The following EDIL3 variants were observed in gnomAD, a reference collection of about 807,000 sequenced individuals.
The protein encoded by EDIL3 is EGF like and discoidin domains 3.
EDIL3 carries 37 observed loss-of-function variants against 67.4 expected under a neutral mutation model. The ratio of observed to expected loss-of-function variants is 0.55; its 90% CI spans 0.42 to 0.72. The LOEUF (loss-of-function observed/expected upper bound fraction) is 0.72, where lower values mean the gene tolerates loss of function less well. EDIL3 is among the 30% of genes least tolerant of loss of function. The pLI is 0.00. For synonymous variants in EDIL3, 195 were observed against 196.3 expected (o/e 0.99, Z 0.05); for missense variants, 527 against 586.3 (o/e 0.90, Z 1.04).
chr5:84,338,238 T>A (rs574372280), intron 1 of EDIL3, among the ~76,000 whole-genome samples: 1 of 152,218 alleles, frequency 6.6e-6, no homozygotes, highest in Admixed American at 6.6e-5. Context: ...GGAAGCACAC[T>A]CCTGACTAAA....
chr5:84,142,823 C>G lies in EDIL3; in HGVS notation c.356-5469G>C, dbSNP rs556962486. Among the ~76,000 whole-genome samples, 8 of 143,286 alleles carry G rather than the reference C, an allele frequency of 5.6e-5. No individual in the cohort carries two copies. The South Asian group carries it at 1.3e-3, about 22-fold the overall frequency. 94.0% of individuals were successfully genotyped at this position (143,286 alleles called of 152,430 possible). A position where few individuals can be genotyped will look rare whatever the true frequency, so the allele number is the denominator to read the frequency against. ...AAGGAGACAATGATAGACGGTGCCC[C>G]CCCCCCCAAGCTTTTTTTTCTTTTG... On this transcript the variant is annotated intron_variant, in intron 4 of 10. Coordinates refer to ENST00000296591, the MANE Select transcript of EDIL3 (RefSeq NM_005711.5).
intron 4 of EDIL3, among the ~76,000 whole-genome samples, chr5:84,142,005 G>A (rs1215532836): frequency 1.4e-5 from 1 of 73,282 alleles, no homozygotes; most frequent in Non-Finnish European, 2.9e-5. Flanking sequence ...CTATCATATT[G>A]AGCACTCCTC....
At chr5:84,285,146 G>C (rs1580054902) in intron 1 of EDIL3, among the ~76,000 whole-genome samples, 1 of 151,994 alleles carries the variant, frequency 6.6e-6, no homozygotes, top group South Asian at 2.1e-4. Context: ...TGAATAAGTG[G>C]GCCCCTTTTA....
intron 1 of EDIL3, among the ~76,000 whole-genome samples, chr5:84,338,110 T>G (rs973811988): frequency 2.0e-5 from 3 of 152,144 alleles, no homozygotes; most frequent in African/African-American, 7.2e-5. Context: ...CATATTCTCT[T>G]TACTAATACT....
chr5:84,049,194 T>C (rs10491383), intron 9 of EDIL3, among the ~76,000 whole-genome samples: 8,727 of 152,250 alleles, frequency 0.057, 840 homozygotes, highest in African/African-American at 0.2. Flanking sequence ...TGCCAATATA[T>C]ATAATTTATC....
At chr5:84,075,570 G>T (rs1746838204) in intron 6 of EDIL3, among the ~76,000 whole-genome samples, 1 of 152,000 alleles carries the variant, frequency 6.6e-6, no homozygotes, top group African/African-American at 2.4e-5. Context: ...CCGCCTCCCA[G>T]GTTCAAGCAA....
intron 1 of EDIL3, among the ~76,000 whole-genome samples, chr5:84,264,735 TAA>T (rs1300252440): frequency 1.3e-5 from 2 of 152,166 alleles, no homozygotes; most frequent in Non-Finnish European, 2.9e-5. Flanking sequence ...GAGGACAAAC[TAA>T]AATATTGAAT....
At chr5:84,335,889 T>C (rs1462429467) in intron 1 of EDIL3, among the ~76,000 whole-genome samples, 1 of 152,206 alleles carries the variant, frequency 6.6e-6, no homozygotes, top group Admixed American at 6.5e-5. Context: ...CAGTGTCTTG[T>C]GAAGACTCAC....
intron 9 of EDIL3, among the ~76,000 whole-genome samples, chr5:84,059,669 T>G (rs979385380): frequency 6.6e-6 from 1 of 152,172 alleles, no homozygotes; most frequent in Non-Finnish European, 1.5e-5. Context: ...TGTCTTACTT[T>G]TTGCCACAGA....
intron 5 of EDIL3, among the ~76,000 whole-genome samples, chr5:84,127,118 G>C (rs1239821978): frequency 6.6e-6 from 1 of 151,880 alleles, no homozygotes; most frequent in Non-Finnish European, 1.5e-5. Flanking sequence ...CAATTTTTCG[G>C]GATTTCGTAG....
intron 9 of EDIL3, among the ~76,000 whole-genome samples, chr5:84,039,332 G>A (rs1746078913): frequency 6.6e-6 from 1 of 152,106 alleles, no homozygotes; most frequent in Non-Finnish European, 1.5e-5. Context: ...GAATTTATCT[G>A]TGGATCCAAA....
At chr5:84,358,862 G>A (rs564552018) in intron 1 of EDIL3, among the ~76,000 whole-genome samples, 3 of 152,004 alleles carry the variant, frequency 2.0e-5, no homozygotes, top group Non-Finnish European at 2.9e-5. Flanking sequence ...CACCCACCTC[G>A]GCCTTCCAAA....
At chr5:84,104,348 A>G (rs1219253878) in intron 6 of EDIL3, among the ~76,000 whole-genome samples, 2 of 151,820 alleles carry the variant, frequency 1.3e-5, no homozygotes, top group African/African-American at 2.4e-5. Flanking sequence ...GTATACCTAT[A>G]TAACAAACCT....
chr5:84,129,758 T>G (rs1747928906), intron 5 of EDIL3, among the ~76,000 whole-genome samples: 1 of 152,164 alleles, frequency 6.6e-6, no homozygotes, highest in Non-Finnish European at 1.5e-5. Flanking sequence ...TAAAATCTAT[T>G]CTGATGTTTT....
intron 9 of EDIL3, among the ~76,000 whole-genome samples, chr5:83,975,448 A>G (rs1457108930): frequency 6.6e-6 from 1 of 151,942 alleles, no homozygotes; most frequent in East Asian, 1.9e-4. Flanking sequence ...TTTTTTGCAT[A>G]TGTATTCAAG....
chr5:84,117,082 C>T (rs1486030981), intron 5 of EDIL3, among the ~76,000 whole-genome samples: 1 of 122,198 alleles, frequency 8.2e-6, no homozygotes, highest in Non-Finnish European at 1.6e-5. Context: ...GGCGGGAGTG[C>T]AGTGGCGCAA....
chr5:84,216,616 TTTAAA>T (rs1744230634), intron 3 of EDIL3, among the ~76,000 whole-genome samples: 1 of 152,228 alleles, frequency 6.6e-6, no homozygotes, highest in Admixed American at 6.5e-5. Context: ...TGTTCTCCTC[TTTAAA>T]TTATGTATAT....
intron 9 of EDIL3, among the ~76,000 whole-genome samples, chr5:83,985,133 T>G (rs1745037957): frequency 6.6e-6 from 1 of 152,048 alleles, no homozygotes; most frequent in Non-Finnish European, 1.5e-5. Context: ...CTTTTTCTGC[T>G]TGGTGCCTCT....
chr5:84,366,381 C>T (rs73146531), intron 1 of EDIL3, among the ~76,000 whole-genome samples: 1 of 152,188 alleles, frequency 6.6e-6, no homozygotes, highest in South Asian at 2.1e-4. Context: ...CTATTATTAT[C>T]CCCGTTTTAC....
Sources: gnomAD v4.1 joint callset for allele counts (sites outside exome capture counted in the v4.1 genomes callset) on GRCh38, gnomAD v4.1.1 for gene constraint, MANE v1.5 for transcripts, NCBI Gene and HGNC (gene_info 2026-07-23, HGNC 2026-07-21) for gene names.